INTS3: variants seen among roughly 807,000 people sequenced by gnomAD.
INTS3 encodes SOSS complex subunit A.
In INTS3, 34 loss-of-function variants were observed where a neutral mutation model predicts 146.3. The observed-to-expected ratio is 0.23, with a 90% CI of 0.18 to 0.31. INTS3 has a LOEUF of 0.31. INTS3 is among the 10% of genes least tolerant of loss of function. The probability of loss-of-function intolerance (pLI) is 1.00; values close to 1 mark genes in which losing one functional copy is unlikely to be tolerated. For missense variants in INTS3, 757 were observed against 1,304.2 expected, an observed-to-expected ratio of 0.58 and a Z score of 6.46; for synonymous variants, 475 against 494.9, an observed-to-expected ratio of 0.96 and a Z score of 0.53.
At chr1:153,770,960 G>A (rs1672830402) in intron 25 of INTS3, among the ~76,000 whole-genome samples, 2 of 152,126 alleles carry the variant, frequency 1.3e-5, no homozygotes, top group Admixed American at 1.3e-4. Flanking sequence ...CTCGGAGGTG[G>A]GGAGGTGGGG....
chr1:153,737,050 A>C (rs1671322001), intron 1 of INTS3, among the ~76,000 whole-genome samples: 1 of 152,130 alleles, frequency 6.6e-6, no homozygotes, highest in Admixed American at 6.6e-5. Context: ...TGCAGGCGTG[A>C]GCCACTGCAC....
In INTS3 at chr1:153,728,084, T is replaced by C. The variant is rs1670913359; in HGVS notation, c.-551T>C. 1 of 153,266 alleles carries C rather than the reference T, an allele frequency of 6.5e-6. No individual in the cohort carries two copies. The highest frequency in any genetic ancestry group is 1.2e-5 in the Non-Finnish European group (1 of 82,020). 9.5% of individuals were successfully genotyped at this position (153,266 alleles called of 1,614,324 possible). On this transcript the variant is annotated 5_prime_UTR_variant, in exon 1 of 30. Coordinates refer to ENST00000318967, the MANE Select transcript of INTS3 (RefSeq NM_023015.5). ...CCCCCCGCCCTTCCACTATGGCCGC[T>C]TCTGTGTGGTGTGGGGAGACGCTGG... is the stretch of plus-strand genomic sequence containing the variant.
intron 10 of INTS3, 75 bp from the exon 11 acceptor site, chr1:153,759,451 A>G (rs1672292595): frequency 9.2e-6 from 9 of 978,832 alleles, no homozygotes; most frequent in Admixed American, 7.2e-5. Context: ...GGGGCCTGGA[A>G]TCTGTCTTGG....
At chr1:153,755,992 A>G (rs1172890453) in intron 9 of INTS3, among the ~76,000 whole-genome samples, 2 of 151,992 alleles carry the variant, frequency 1.3e-5, no homozygotes, top group East Asian at 3.9e-4. Context: ...ATAAGCCAAG[A>G]TTGCGCCACT....
chr1:153,736,254 C>A (rs1019893308), intron 1 of INTS3, among the ~76,000 whole-genome samples: 5 of 152,120 alleles, frequency 3.3e-5, no homozygotes, highest in African/African-American at 1.2e-4. Flanking sequence ...TAATTTGGAG[C>A]ATAGTTAGAC....
chr1:153,740,757 A>C, intron 2 of INTS3, 23 bp downstream of exon 2: 1 of 1,555,668 alleles, frequency 6.4e-7, no homozygotes, highest in Non-Finnish European at 8.9e-7. Context: ...CTGTCCCTGC[A>C]GCCACTGCTG....
chr1:153,739,008 C>T (rs1332945365), intron 1 of INTS3, among the ~76,000 whole-genome samples: 2 of 151,988 alleles, frequency 1.3e-5, no homozygotes, highest in Non-Finnish European at 2.9e-5. Context: ...ATTCTCCTGC[C>T]TCAGCCTCCT....
chr1:153,754,848 A>G, intron 9 of INTS3, 109 bp downstream of exon 9: 3 of 766,922 alleles, frequency 3.9e-6, no homozygotes, highest in South Asian at 1.4e-5. Flanking sequence ...TGGTGGCTAA[A>G]TGATCGTACC....
chr1:153,772,020 C>CGGTGGT lies in INTS3; in HGVS notation c.2720+83_2720+88dup, dbSNP rs58166068. On this transcript the variant is annotated intron_variant, in intron 26 of 29. Transcript: ENST00000318967. This position sits in a 1 kb window ranked among gnomAD's most constrained non-coding sequence, Gnocchi z 4.6. ...CATGGCGGTCTGCAGTGATTGCTGT[C>CGGTGGT]GGTGGTGGTGGTGGTGGTGGTGGTG... is the stretch of plus-strand genomic sequence containing the variant. The CGGTGGT allele has an allele frequency of 1.2e-4, 140 of 1,182,554 alleles. No homozygotes were observed. The highest frequency in any genetic ancestry group is 7.6e-4 in the South Asian group (55 of 72,652). 73.3% of individuals were successfully genotyped at this position (1,182,554 alleles called of 1,614,324 possible).
At chr1:153,746,857 T>C (rs1048915415) in intron 3 of INTS3, 100 bp from the exon 4 acceptor site, 4 of 688,310 alleles carry the variant, frequency 5.8e-6, no homozygotes, top group African/African-American at 3.6e-5. Context: ...TTATTGGTGT[T>C]ATTTAAGTTT....
intron 1 of INTS3, among the ~76,000 whole-genome samples, chr1:153,737,978 T>G (rs1671366771): frequency 6.6e-6 from 1 of 152,210 alleles, no homozygotes; most frequent in South Asian, 2.1e-4. Context: ...CAATCTTGTT[T>G]TATCTTCTTT....
chr1:153,728,407 C>T lies in INTS3; in HGVS notation c.-228C>T. The T allele has an allele frequency of 2.0e-6, 1 of 508,448 alleles. No homozygotes were observed. The highest frequency in any genetic ancestry group is 3.3e-5 in the South Asian group (1 of 30,662). 31.5% of individuals were successfully genotyped at this position (508,448 alleles called of 1,614,324 possible). A position where few individuals can be genotyped will look rare whatever the true frequency, so the allele number is the denominator to read the frequency against. On this transcript the variant is annotated 5_prime_UTR_variant, in exon 1 of 30. Coordinates refer to ENST00000318967, the MANE Select transcript of INTS3 (RefSeq NM_023015.5). ...ACTGTACTTCGGAGCCAACGCCTTT[C>T]CCTCAGCACTGCCACCCCAGAGTCA...
rs376277202 is a variant in INTS3 at position 153,772,466 on chromosome 1, G to T, written c.2821+26G>T. 18 of 1,614,046 alleles carry T rather than the reference G, an allele frequency of 1.1e-5. No homozygotes were observed. In the African/African-American group the frequency reaches 1.6e-4, roughly 14 times the overall value. ...GTATGCCTTCCACCCTCGGCGTCCA[G>T]TGTAGACGGTGCTGCCCTGGCCCAG... On this transcript the variant is annotated intron_variant, in intron 27 of 29. Coordinates refer to ENST00000318967, the MANE Select transcript of INTS3 (RefSeq NM_023015.5). The surrounding 1 kb of genome is among the most constrained non-coding windows in gnomAD (Gnocchi z 4.6).
Position 153,772,329 on chromosome 1 carries a change from T to C in INTS3, c.2721-11T>C, listed in dbSNP as rs1457707939. The C allele has an allele frequency of 4.2e-5, 67 of 1,612,886 alleles. No individual in the cohort carries two copies. In the Admixed American group the frequency reaches 1.1e-3, roughly 27 times the overall value. ...CACACTCAGACTCTGGCTCTGGTGA[T>C]TCCTGCACAGCCTGAGGAGCTCTAG... On this transcript the variant is annotated splice_polypyrimidine_tract_variant and intron_variant, in intron 26 of 29. Coordinates refer to ENST00000318967, the MANE Select transcript of INTS3 (RefSeq NM_023015.5). This position sits in a 1 kb window ranked among gnomAD's most constrained non-coding sequence, Gnocchi z 4.6.
chr1:153,764,091 C>G, intron 17 of INTS3, 27 bp from the exon 18 acceptor site: 2 of 1,576,140 alleles, frequency 1.3e-6, no homozygotes, highest in Non-Finnish European at 1.7e-6. Context: ...TAGGTAGTGA[C>G]TCTCCCTCCC....
chr1:153,756,661 C>G (rs1672174591), intron 9 of INTS3, among the ~76,000 whole-genome samples: 1 of 151,430 alleles, frequency 6.6e-6, no homozygotes, highest in Non-Finnish European at 1.5e-5. Context: ...ACTAAAAATA[C>G]AAAAATCAGC....
chr1:153,768,834 C>A (rs2101828117), intron 21 of INTS3, 59 bp from the exon 22 acceptor site: 1 of 1,307,602 alleles, frequency 7.6e-7, no homozygotes, highest in Non-Finnish European at 1.1e-6. Flanking sequence ...GGAGAGTGGG[C>A]TATGGGATAA....
rs1393145269 is a variant in INTS3, at chr1:153,767,728, G to A, written c.2145G>A (p.Gln715=). ...NLYESFAQAT[Q]LGDLHTCLMM... ...ACGAGTCATTTGCCCAGGCTACCCA[G>A]CTGGGCGATCTGCACACCTGCCTGA... The change falls in exon 21 of 30, where the codon CAG becomes CAA. Residue 715 remains glutamine, a synonymous_variant. Coordinates refer to ENST00000318967, the MANE Select transcript of INTS3 (RefSeq NM_023015.5). The A allele has an allele frequency of 1.9e-6, 3 of 1,612,740 alleles. No homozygotes were observed. In the Admixed American group the frequency reaches 5.0e-5, roughly 27 times the overall value.
intron 5 of INTS3, chr1:153,747,919 T>G (rs758954051): frequency 1.2e-5 from 2 of 160,890 alleles, no homozygotes; most frequent in African/African-American, 4.8e-5. Flanking sequence ...CTCCCAAGAT[T>G]GCATGTGTTT....
Sources: gnomAD v4.1 joint callset for allele counts (sites outside exome capture counted in the v4.1 genomes callset) on GRCh38, gnomAD v4.1.1 for gene constraint, Gnocchi (gnomAD v3.1) non-coding constraint, MANE v1.5 for transcripts, NCBI Gene and HGNC (gene_info 2026-07-23, HGNC 2026-07-21) for gene names.